The following SRD5A2 variants were observed in gnomAD, a reference collection of about 807,000 sequenced individuals.
The protein encoded by SRD5A2 is steroid 5 alpha-reductase 2.
Under a neutral mutation model 27.4 loss-of-function variants are expected in SRD5A2, and 30 were observed. The ratio of observed to expected loss-of-function variants is 1.10; its 90% CI spans 0.82 to 1.49. The LOEUF (loss-of-function observed/expected upper bound fraction) is 1.49, where lower values mean the gene tolerates loss of function less well. Among genes scored for constraint, SRD5A2 ranks in the 40% most tolerant of loss-of-function variants. The pLI is 0.00. For missense variants in SRD5A2, 348 were observed against 323.4 expected (o/e 1.08, Z -0.58); for synonymous variants, 141 against 133.6 (o/e 1.06, Z -0.38).
chr2:31,660,733 CTA>C, the SRD5A2 span, among the ~76,000 whole-genome samples: 2 of 151,854 alleles, frequency 1.3e-5, no homozygotes, highest in Non-Finnish European at 2.9e-5. Context: ...GGTTTATTCA[CTA>C]TAGGATTATT....
At chr2:31,619,478 A>G in the SRD5A2 span, among the ~76,000 whole-genome samples, 1 of 152,138 alleles carries the variant, frequency 6.6e-6, no homozygotes, top group Admixed American at 6.6e-5. Flanking sequence ...TCTGGATCAA[A>G]TGGTGTTTCT....
At chr2:31,602,263 C>T in the SRD5A2 span, among the ~76,000 whole-genome samples, 8 of 151,946 alleles carry the variant, frequency 5.3e-5, no homozygotes, top group Non-Finnish European at 7.4e-5. Context: ...TCCTATACAC[C>T]AACAACAGGC....
At chr2:31,596,704 A>G in the SRD5A2 span, among the ~76,000 whole-genome samples, 1,249 of 152,350 alleles carry the variant, frequency 8.2e-3, 9 homozygotes, top group Non-Finnish European at 0.013. Flanking sequence ...TCAGAGACCA[A>G]GCTGAGAATC....
chr2:31,596,769 T>C, the SRD5A2 span, among the ~76,000 whole-genome samples: 1 of 151,890 alleles, frequency 6.6e-6, no homozygotes. Flanking sequence ...ATAAAATACA[T>C]AGAAATATAC....
chr2:31,610,963 G>C, the SRD5A2 span, among the ~76,000 whole-genome samples: 1 of 152,036 alleles, frequency 6.6e-6, no homozygotes, highest in African/African-American at 2.4e-5. Flanking sequence ...ACAAAAATTA[G>C]CCAGGCCTGG....
At chr2:31,567,467 T>TATATAC in intron 1 of SRD5A2, among the ~76,000 whole-genome samples, 1 of 151,192 alleles carries the variant, frequency 6.6e-6, no homozygotes, top group Admixed American at 6.6e-5. Context: ...TATATATATA[T>TATATAC]ATATATCTAC....
rs1667065034 is a variant in SRD5A2 at position 31,580,770 on chromosome 2, GCCGCCGGCTTCAGGCT to G, written c.115_130del (p.Ser39LeufsTer87). Reference sequence around the variant, plus strand: ...GGCGGCGCGGGCTGGCAGGCGGGTAGCCGCCGGCTTCAGGCTCTCCGTGTGCTTCCCGTAGCCGGAG... The same window carrying G: ...GGCGGCGCGGGCTGGCAGGCGGGTAGCTCCGTGTGCTTCCCGTAGCCGGAG... On this transcript the variant is annotated frameshift_variant, in exon 1 of 5. Transcript: ENST00000622030. LOFTEE classifies it high-confidence loss of function. 2 of 1,610,872 alleles carry G rather than the reference GCCGCCGGCTTCAGGCT, an allele frequency of 1.2e-6. No individual in the cohort carries two copies. Among genetic ancestry groups the G allele is most frequent in the East Asian group, 4.5e-5 (2 of 44,864 alleles).
intron 1 of SRD5A2, among the ~76,000 whole-genome samples, chr2:31,534,438 G>A (rs1364656975): frequency 6.6e-6 from 1 of 152,170 alleles, no homozygotes; most frequent in African/African-American, 2.4e-5. Context: ...GGAACCCCTA[G>A]TTTGGCACAT....
At chr2:31,547,155 C>T (rs567402477) in intron 1 of SRD5A2, among the ~76,000 whole-genome samples, 3 of 152,124 alleles carry the variant, frequency 2.0e-5, no homozygotes, top group South Asian at 4.2e-4. Flanking sequence ...GGCACATAGA[C>T]CTGTGAAATA....
At chr2:31,618,063 T>C in the SRD5A2 span, among the ~76,000 whole-genome samples, 1 of 152,148 alleles carries the variant, frequency 6.6e-6, no homozygotes, top group Non-Finnish European at 1.5e-5. Context: ...GACTCACAGT[T>C]TTACATGACT....
At chr2:31,596,328 C>A in the SRD5A2 span, among the ~76,000 whole-genome samples, 1 of 140,864 alleles carries the variant, frequency 7.1e-6, no homozygotes, top group South Asian at 2.2e-4. Context: ...GTGGAGGTTG[C>A]AGTGAGCCAA....
At chr2:31,568,718 C>T (rs1241685156) in intron 1 of SRD5A2, among the ~76,000 whole-genome samples, 2 of 152,192 alleles carry the variant, frequency 1.3e-5, no homozygotes, top group African/African-American at 4.8e-5. Context: ...TGCCACCATC[C>T]ACATGCCATC....
At chr2:31,642,173 A>C in the SRD5A2 span, among the ~76,000 whole-genome samples, 3 of 152,122 alleles carry the variant, frequency 2.0e-5, no homozygotes, top group African/African-American at 7.2e-5. Flanking sequence ...AATAGTGTGG[A>C]AAAATTAGAT....
chr2:31,526,108 A>G lies in SRD5A2; in HGVS notation c.*88T>C. 1 of 811,876 alleles carries G rather than the reference A, an allele frequency of 1.2e-6. No individual in the cohort carries two copies. The highest frequency in any genetic ancestry group is 2.0e-6 in the Non-Finnish European group (1 of 506,690). The allele number at this position is 811,876 out of a possible 1,614,324, so 50.3% of individuals were successfully genotyped here. On this transcript the variant is annotated 3_prime_UTR_variant, in exon 5 of 5. Coordinates refer to ENST00000622030, the MANE Select transcript of SRD5A2 (RefSeq NM_000348.4). ...AGACCTACTATTACATATATACGGG[A>G]CTATTATATCATGAAAATTACAGTT...
At chr2:31,610,542 G>A in the SRD5A2 span, among the ~76,000 whole-genome samples, 1 of 152,092 alleles carries the variant, frequency 6.6e-6, no homozygotes, top group Admixed American at 6.6e-5. Context: ...ACTCAATGCT[G>A]AAAGGTTAAA....
the SRD5A2 span, among the ~76,000 whole-genome samples, chr2:31,662,637 T>A: frequency 4.6e-5 from 7 of 152,152 alleles, no homozygotes; most frequent in African/African-American, 1.7e-4. Context: ...TCTATTTTGG[T>A]ATCACCCTTA....
chr2:31,548,931 G>A (rs1666320149), intron 1 of SRD5A2, among the ~76,000 whole-genome samples: 1 of 151,906 alleles, frequency 6.6e-6, no homozygotes. Flanking sequence ...CTATAACATG[G>A]ATGAACCCTG....
chr2:31,619,609 T>G, the SRD5A2 span, among the ~76,000 whole-genome samples: 1 of 152,276 alleles, frequency 6.6e-6, no homozygotes, highest in South Asian at 2.1e-4. Flanking sequence ...TCTGTTTTTT[T>G]TGTGACTTTT....
chr2:31,624,205 T>C, the SRD5A2 span, among the ~76,000 whole-genome samples: 2 of 152,084 alleles, frequency 1.3e-5, no homozygotes, highest in East Asian at 1.9e-4. Context: ...GTATCCATCA[T>C]GTCATTTATC....
Sources: allele counts gnomAD v4.1 joint callset (sites outside exome capture counted in the v4.1 genomes callset), GRCh38; gene constraint gnomAD v4.1.1; transcripts MANE v1.5; gene names NCBI Gene and HGNC (gene_info 2026-07-23, HGNC 2026-07-21).